Variants in SATB1 observed in about 807,000 individuals in gnomAD.
The protein encoded by SATB1 is DNA-binding protein SATB1.
Under a neutral mutation model 86.9 loss-of-function variants are expected in SATB1, and 11 were observed. That is an observed-to-expected ratio of 0.13 (90% CI 0.08 to 0.21). SATB1 has a LOEUF of 0.21. SATB1 is among the 10% of genes least tolerant of loss of function. The pLI is 1.00. For synonymous variants in SATB1, 357 were observed against 357.2 expected, an observed-to-expected ratio of 1.00 and a Z score of 0.01; for missense variants, 551 against 937.6, an observed-to-expected ratio of 0.59 and a Z score of 5.39.
rs879533601 is a variant in SATB1 at position 18,424,121 on chromosome 3, TA to T, written c.-520del. ...ACGACGTGGTGACTGAGGATTCTCT[TA>T]AAAAAAAAAAAATCACTGCGGACAA... On this transcript the variant is annotated 5_prime_UTR_variant, in exon 1 of 11. Coordinates refer to ENST00000338745, the MANE Select transcript of SATB1 (RefSeq NM_002971.6). 850 of 142,866 alleles carry T rather than the reference TA, an allele frequency of 5.9e-3. 2 individuals carry two copies. Among genetic ancestry groups the T allele is most frequent in the African/African-American group, 0.01 (405 of 39,056 alleles). 8.8% of individuals were successfully genotyped at this position (142,866 alleles called of 1,614,324 possible).
At chr3:18,430,173 A>C (rs965576593), upstream of SATB1, among the ~76,000 whole-genome samples, 2 of 152,192 alleles carry the variant, frequency 1.3e-5, no homozygotes, top group African/African-American at 4.8e-5. Context: ...CTCACTGCAG[A>C]AAGTTCCATT....
chr3:18,424,161 G>A lies in SATB1; in HGVS notation c.-559C>T, dbSNP rs1013537512. On this transcript the variant is annotated 5_prime_UTR_variant, in exon 1 of 11. Transcript: ENST00000338745. Reference sequence around the variant, plus strand: ...CACTGCGGACAAGGTCTCCAAAAAGGAAAAAAGGTCTCTTCGCGTCTCTCC... The same window carrying A: ...CACTGCGGACAAGGTCTCCAAAAAGAAAAAAAGGTCTCTTCGCGTCTCTCC... 14 of 151,890 alleles carry A rather than the reference G, an allele frequency of 9.2e-5. No individual in the cohort carries two copies. Among genetic ancestry groups the A allele is most frequent in the African/African-American group, 3.4e-4 (14 of 41,294 alleles). 9.4% of individuals were successfully genotyped at this position (151,890 alleles called of 1,614,324 possible).
intron 9 of SATB1, among the ~76,000 whole-genome samples, chr3:18,356,593 G>A (rs1012174317): frequency 5.9e-5 from 9 of 151,784 alleles, no homozygotes; most frequent in African/African-American, 2.2e-4. Context: ...ATATTCTAAT[G>A]ATGTGCTTTA....
rs1185927165 is a variant in SATB1 at position 18,346,956 on chromosome 3, G to A, written c.*2214C>T. 1 of 152,060 alleles carries A rather than the reference G, an allele frequency of 6.6e-6. No homozygotes were observed. The highest frequency in any genetic ancestry group is 2.4e-5 in the African/African-American group (1 of 41,410). The allele number at this position is 152,060 out of a possible 1,614,324, so 9.4% of individuals were successfully genotyped here. ...TTTCTGAACTCTAGTGAGCCAGAAT[G>A]TTTGTTTTCTTACTAAATAAAAAGT... On this transcript the variant is annotated 3_prime_UTR_variant, in exon 11 of 11. Coordinates refer to ENST00000338745, the MANE Select transcript of SATB1 (RefSeq NM_002971.6).
At chr3:18,445,545 T>TC (rs1444090157) in exon 1 of SATB1, 2 of 985,004 alleles carry the variant, frequency 2.0e-6, no homozygotes, top group Non-Finnish European at 2.4e-6. Flanking sequence ...ACACGCGCAC[T>TC]CCTCCTCTTG....
chr3:18,407,785 A>G (rs1559443717), intron 5 of SATB1, among the ~76,000 whole-genome samples: 2 of 152,146 alleles, frequency 1.3e-5, no homozygotes, highest in East Asian at 1.9e-4. Flanking sequence ...CCATTACTCT[A>G]AAGAAACAGT....
intron 9 of SATB1, among the ~76,000 whole-genome samples, chr3:18,373,853 T>C (rs1695598637): frequency 1.3e-5 from 2 of 152,156 alleles, no homozygotes. Flanking sequence ...TTTTTTTGTA[T>C]TAAAAACATA....
chr3:18,356,589 T>G (rs1694653840), intron 9 of SATB1, among the ~76,000 whole-genome samples: 1 of 151,924 alleles, frequency 6.6e-6, no homozygotes, highest in South Asian at 2.1e-4. Context: ...CTCAATATTC[T>G]AATGATGTGC....
Position 18,352,160 on chromosome 3 carries a change from ATCT to A in SATB1, c.1608_1610del (p.Glu536del). 6.2e-7 allele frequency: 1 copy of A among 1,614,170 alleles called. No homozygotes were observed. The highest frequency in any genetic ancestry group is 8.5e-7 in the Non-Finnish European group (1 of 1,180,034). On this transcript the variant is annotated inframe_deletion, in exon 10 of 11. Transcript: ENST00000338745. The surrounding 1 kb of genome is among the most constrained non-coding windows in gnomAD (Gnocchi z 4.1). Reference sequence around the variant, plus strand: ...ACAGGGTTCTGTTTTCTGGAGAAGGATCTTCTTTCCAGCGTAACAGCTCGCACA... The same window carrying A: ...ACAGGGTTCTGTTTTCTGGAGAAGGATCTTTCCAGCGTAACAGCTCGCACA...
chr3:18,386,929 T>C lies in SATB1; in HGVS notation c.1207-318A>G, dbSNP rs1559422836. On this transcript the variant is annotated intron_variant, in intron 7 of 10. Transcript: ENST00000338745. The surrounding 1 kb of genome is among the most constrained non-coding windows in gnomAD (Gnocchi z 4.5). ...AAGTTAAGAATAAACGAAATCCTTATAATGCAACAGCACTGAACTGTATAG... is the reference window on the plus strand; with the variant it reads ...AAGTTAAGAATAAACGAAATCCTTACAATGCAACAGCACTGAACTGTATAG... Among the ~76,000 whole-genome samples the C allele has an allele frequency of 6.6e-6, 1 of 152,198 alleles. No individual in the cohort carries two copies. The highest frequency in any genetic ancestry group is 1.5e-5 in the Non-Finnish European group (1 of 68,040).
intron 6 of SATB1, among the ~76,000 whole-genome samples, chr3:18,396,551 T>A (rs1488842106): frequency 6.6e-6 from 1 of 152,180 alleles, no homozygotes; most frequent in African/African-American, 2.4e-5. Context: ...CTGCAGATAA[T>A]TTTAGTGTAC....
chr3:18,360,983 A>T (rs868439248), intron 9 of SATB1, among the ~76,000 whole-genome samples: 1 of 152,146 alleles, frequency 6.6e-6, no homozygotes, highest in Non-Finnish European at 1.5e-5. Flanking sequence ...ACTGGCTTGG[A>T]TTTGAAAAGG....
intron 7 of SATB1, among the ~76,000 whole-genome samples, chr3:18,391,157 G>A (rs979396275): frequency 6.6e-6 from 1 of 152,090 alleles, no homozygotes; most frequent in African/African-American, 2.4e-5. Flanking sequence ...GGAGGGTAAT[G>A]TGTTAATATA....
intron 9 of SATB1, among the ~76,000 whole-genome samples, chr3:18,363,892 G>A (rs1272619212): frequency 2.0e-5 from 3 of 152,082 alleles, no homozygotes; most frequent in Non-Finnish European, 4.4e-5. Context: ...AAGCAAAGGC[G>A]TTCTCTCACA....
At chr3:18,401,136 T>C (rs1486576768) in intron 5 of SATB1, among the ~76,000 whole-genome samples, 1 of 152,172 alleles carries the variant, frequency 6.6e-6, no homozygotes, top group African/African-American at 2.4e-5. Flanking sequence ...CATCCTGCTG[T>C]TTATTTTGCA....
At chr3:18,404,314 T>C (rs1321511216) in intron 5 of SATB1, among the ~76,000 whole-genome samples, 5 of 152,014 alleles carry the variant, frequency 3.3e-5, no homozygotes. Context: ...GCTATTCTCT[T>C]GGGAGATACA....
chr3:18,416,137 T>G lies in SATB1; in HGVS notation c.389-4A>C, dbSNP rs768047565. ...CACTTTCCAACCTGGATTAGCCCTA[T>G]TTCAGATAAAGAGAATATGTCACTA... On this transcript the variant is annotated splice_polypyrimidine_tract_variant and splice_region_variant and intron_variant, in intron 3 of 10. Transcript: ENST00000338745. 33 of 1,597,856 alleles carry G rather than the reference T, an allele frequency of 2.1e-5. No homozygotes were observed. In the South Asian group the frequency reaches 2.8e-4, roughly 14 times the overall value.
chr3:18,445,154 G>T, intron 1 of SATB1: 1 of 909,314 alleles, frequency 1.1e-6, no homozygotes, highest in Non-Finnish European at 1.3e-6. Context: ...CTTGTGCGGC[G>T]CGGGCTGGCC....
chr3:18,385,273 A>G (rs1696276587), intron 8 of SATB1, among the ~76,000 whole-genome samples: 1 of 152,146 alleles, frequency 6.6e-6, no homozygotes, highest in Non-Finnish European at 1.5e-5. Context: ...TTTTTATCCA[A>G]TTTTAACTGA....
Sources: gnomAD v4.1 joint callset for allele counts (sites outside exome capture counted in the v4.1 genomes callset) on GRCh38, gnomAD v4.1.1 for gene constraint, Gnocchi (gnomAD v3.1) non-coding constraint, MANE v1.5 for transcripts, NCBI Gene and HGNC (gene_info 2026-07-23, HGNC 2026-07-21) for gene names.